CILK1: variants seen among roughly 807,000 people sequenced by gnomAD.
CILK1 encodes serine/threonine-protein kinase ICK.
CILK1 carries 47 observed loss-of-function variants against 79.2 expected under a neutral mutation model. That is an observed-to-expected ratio of 0.59 (90% CI 0.47 to 0.76). The LOEUF (loss-of-function observed/expected upper bound fraction) is 0.76, where lower values mean the gene tolerates loss of function less well. Among genes scored for constraint, CILK1 ranks in the 30% least tolerant of loss-of-function variants. The pLI is 0.00. For missense variants in CILK1, 660 were observed against 769.5 expected, an observed-to-expected ratio of 0.86 and a Z score of 1.68; for synonymous variants, 266 against 275.9, an observed-to-expected ratio of 0.96 and a Z score of 0.36.
Position 53,041,187 on chromosome 6 carries a change from G to A in CILK1, c.50C>T (p.Ser17Phe), listed in dbSNP as rs748863767. 9.9e-6 allele frequency: 16 copies of A among 1,614,030 alleles called. No individual in the cohort carries two copies. In the East Asian group the frequency reaches 1.8e-4, roughly 18 times the overall value. Residue 17 changes from serine (S) to phenylalanine (F), a missense_variant, in exon 2 of 14, where the codon TCC (serine) becomes TTC (phenylalanine). Physicochemically the swap from Ser to Phe is radical, Grantham distance 155. Transcript: ENST00000676107. ...CTCAATGCTTCTTCCCAGCAGGACG[G>A]AACCGTAGGTTCCATCCCCGAGCTG... ...IRQLGDGTYG[S>F]VLLGRSIESG... is the part of the protein sequence containing the mutation.
rs371955520 is a variant in CILK1 at position 53,017,115 on chromosome 6, G to A, written c.664-865C>T. 7.2e-5 allele frequency among the ~76,000 whole-genome samples: 11 copies of A among 152,322 alleles called. No individual in the cohort carries two copies. The East Asian group carries it at 1.7e-3, about 24-fold the overall frequency. ...AACTGACAAAAGCTGCAAGAGATGT[G>A]CAGGTACAGATATGCAGAGGAGAAA... On this transcript the variant is annotated intron_variant, in intron 7 of 13. Transcript: ENST00000676107.
chr6:53,053,980 G>A (rs942891554), intron 1 of CILK1, among the ~76,000 whole-genome samples: 2 of 151,954 alleles, frequency 1.3e-5, no homozygotes, highest in Admixed American at 1.3e-4. Flanking sequence ...CAGGAATTGA[G>A]CTAGCATTTG....
chr6:53,006,567 T>TAA, intron 12 of CILK1, 130 bp from the exon 13 acceptor site: 3 of 1,024,566 alleles, frequency 2.9e-6, no homozygotes, highest in Non-Finnish European at 4.4e-6. Context: ...CAAATCATGA[T>TAA]AAAAATGAGT....
intron 6 of CILK1, 81 bp downstream of exon 6, chr6:53,019,146 G>T: frequency 7.4e-7 from 1 of 1,347,014 alleles, no homozygotes. Context: ...GTTAACATTT[G>T]TGACTTTAAT....
intron 3 of CILK1, among the ~76,000 whole-genome samples, chr6:53,032,873 G>A (rs1338902768): frequency 6.6e-6 from 1 of 152,200 alleles, no homozygotes; most frequent in Non-Finnish European, 1.5e-5. Context: ...TAGAAGGTAT[G>A]TATTCGACCA....
At chr6:53,054,414 G>A (rs1220370523) in intron 1 of CILK1, 1 of 152,228 alleles carries the variant, frequency 6.6e-6, no homozygotes, top group Non-Finnish European at 1.5e-5. Context: ...GGGCCCAAAT[G>A]TGAGTTTTAG....
At chr6:53,042,193 C>A (rs1766765450) in intron 1 of CILK1, among the ~76,000 whole-genome samples, 1 of 152,182 alleles carries the variant, frequency 6.6e-6, no homozygotes, top group South Asian at 2.1e-4. Context: ...AACCCTTGGT[C>A]TAAATAATGC....
chr6:53,011,665 G>A, intron 11 of CILK1, 104 bp downstream of exon 11: 2 of 1,082,024 alleles, frequency 1.8e-6, no homozygotes, highest in East Asian at 2.4e-5. Flanking sequence ...CTGAAGGGAA[G>A]CCCCCTAGTA....
intron 11 of CILK1, among the ~76,000 whole-genome samples, 196 bp from the exon 12 acceptor site, chr6:53,009,763 G>C (rs895928909): frequency 9.2e-5 from 14 of 152,198 alleles, no homozygotes; most frequent in African/African-American, 3.4e-4. Context: ...GCCCGAGAGA[G>C]GCCTCTTATG....
At chr6:53,050,196 C>T (rs1462853801) in intron 1 of CILK1, among the ~76,000 whole-genome samples, 1 of 152,092 alleles carries the variant, frequency 6.6e-6, no homozygotes, top group Non-Finnish European at 1.5e-5. Context: ...CAAGACATCA[C>T]AATTCCAGCC....
At chr6:53,048,147 T>C (rs765241252) in intron 1 of CILK1, among the ~76,000 whole-genome samples, 3 of 152,132 alleles carry the variant, frequency 2.0e-5, no homozygotes, top group Admixed American at 2.0e-4. Context: ...AGGAATGCAA[T>C]AGTCCCATCA....
At chr6:53,022,328 C>T (rs1181597901) in intron 5 of CILK1, among the ~76,000 whole-genome samples, 1 of 152,122 alleles carries the variant, frequency 6.6e-6, no homozygotes, top group Non-Finnish European at 1.5e-5. Flanking sequence ...AGTAAGTGCC[C>T]TATACAGGTG....
chr6:53,014,024 G>A (rs1207850000), intron 8 of CILK1, 42 bp from the exon 9 acceptor site: 2 of 1,484,392 alleles, frequency 1.3e-6, no homozygotes, highest in South Asian at 1.1e-5. Context: ...GTCTAGCCAG[G>A]AAAGTTACCA....
chr6:53,033,269 C>T (rs145932821), intron 3 of CILK1, among the ~76,000 whole-genome samples: 53 of 152,214 alleles, frequency 3.5e-4, no homozygotes, highest in African/African-American at 1.1e-3. Context: ...CCAAGAACAA[C>T]GAAGGCAAAA....
Position 53,016,231 on chromosome 6 carries a change from T to C in CILK1, c.683A>G (p.Tyr228Cys), listed in dbSNP as rs1048360402. The C allele has an allele frequency of 3.7e-6, 6 of 1,613,940 alleles. No individual in the cohort carries two copies. In the Admixed American group the frequency reaches 6.7e-5, roughly 18 times the overall value. ...GAAGTTCATTGCACTTGAAAGTTGA[T>C]AGCCTTCAGGCCAGTCAGTCTGAAA... The part of the protein sequence containing the change: ...TPKKTDWPEG[Y>C]QLSSAMNFRW... Residue 228 changes from tyrosine (Y) to cysteine (C), a missense_variant, in exon 8 of 14, where the codon TAT (tyrosine) becomes TGT (cysteine). By Grantham distance (194) the Tyr-to-Cys change is radical. Coordinates refer to ENST00000676107, the MANE Select transcript of CILK1 (RefSeq NM_014920.5).
intron 8 of CILK1, among the ~76,000 whole-genome samples, chr6:53,015,766 T>C (rs1365843273): frequency 2.6e-5 from 4 of 152,222 alleles, no homozygotes; most frequent in Non-Finnish European, 2.9e-5. Flanking sequence ...TATATAATTG[T>C]AACTCATAGA....
chr6:53,041,873 G>A (rs147259783), intron 1 of CILK1, among the ~76,000 whole-genome samples: 91 of 152,144 alleles, frequency 6.0e-4, no homozygotes, highest in East Asian at 3.9e-3. Flanking sequence ...ACCCACGATC[G>A]TAAACTGGAT....
chr6:53,006,053 C>G (rs1764200955), intron 13 of CILK1, among the ~76,000 whole-genome samples: 1 of 152,174 alleles, frequency 6.6e-6, no homozygotes, highest in Non-Finnish European at 1.5e-5. Context: ...TTTAGCTACT[C>G]TATCTAAAAT....
chr6:53,041,253 C>A lies in CILK1; in HGVS notation c.-17G>T. On this transcript the variant is annotated 5_prime_UTR_variant, in exon 2 of 14. Transcript: ENST00000676107. ...TCTATTCATGGTGTGCCTGCTCAGG[C>A]CGGACACTCATCTCACGGCCGAAGT... 6.3e-7 allele frequency: 1 copy of A among 1,583,914 alleles called. No individual in the cohort carries two copies. Among genetic ancestry groups the A allele is most frequent in the Middle Eastern group, 1.7e-4 (1 of 6,006 alleles).
Sources: allele counts gnomAD v4.1 joint callset (sites outside exome capture counted in the v4.1 genomes callset), GRCh38; gene constraint gnomAD v4.1.1; transcripts MANE v1.5; gene names NCBI Gene and HGNC (gene_info 2026-07-23, HGNC 2026-07-21).